PTPRD: variants seen among roughly 807,000 people sequenced by gnomAD.
PTPRD encodes the protein protein tyrosine phosphatase receptor type D.
In PTPRD, 34 loss-of-function variants were observed where a neutral mutation model predicts 214.5. That is an observed-to-expected ratio of 0.16 (90% CI 0.12 to 0.21). PTPRD has a LOEUF of 0.21. Ranked by LOEUF, PTPRD falls within the 10% of genes least tolerant of loss-of-function variation. The probability of loss-of-function intolerance (pLI) is 1.00; values close to 1 mark genes in which losing one functional copy is unlikely to be tolerated. For synonymous variants in PTPRD, 1,128 were observed against 845.7 expected (o/e 1.33, Z -5.79); for missense variants, 2,545 against 2,398.7 (o/e 1.06, Z -1.27).
At chr9:10,329,914 T>C (rs2096718529) in intron 3 of PTPRD, among the ~76,000 whole-genome samples, 1 of 151,876 alleles carries the variant, frequency 6.6e-6, no homozygotes, top group African/African-American at 2.4e-5. Flanking sequence ...CTACTGAAGA[T>C]TCACATTTTC....
At chr9:8,852,351 G>A (rs1241791143) in intron 11 of PTPRD, among the ~76,000 whole-genome samples, 1 of 152,186 alleles carries the variant, frequency 6.6e-6, no homozygotes, top group African/African-American at 2.4e-5. Context: ...ATAGCCATGT[G>A]GCAAAGGTCA....
intron 11 of PTPRD, among the ~76,000 whole-genome samples, chr9:8,859,275 A>C (rs2098042572): frequency 6.6e-6 from 1 of 152,170 alleles, no homozygotes; most frequent in African/African-American, 2.4e-5. Flanking sequence ...TCTTCCCTAG[A>C]CAAGCATCCA....
intron 14 of PTPRD, among the ~76,000 whole-genome samples, chr9:8,540,384 G>T (rs2078097663): frequency 6.6e-6 from 1 of 151,888 alleles, no homozygotes; most frequent in Non-Finnish European, 1.5e-5. Flanking sequence ...TCTGAAAAAA[G>T]TTAACTCTAA....
intron 5 of PTPRD, among the ~76,000 whole-genome samples, chr9:9,832,355 G>C (rs569046135): frequency 6.6e-6 from 1 of 152,066 alleles, no homozygotes; most frequent in African/African-American, 2.4e-5. Context: ...CTGAAGATAT[G>C]TAACTGTGTA....
intron 8 of PTPRD, among the ~76,000 whole-genome samples, chr9:9,461,925 T>C (rs955172601): frequency 1.2e-4 from 18 of 152,268 alleles, no homozygotes; most frequent in African/African-American, 4.3e-4. Context: ...ACCATTATAT[T>C]TAAATTGGGA....
chr9:8,356,095 G>C (rs903673826), intron 39 of PTPRD, among the ~76,000 whole-genome samples: 5 of 152,096 alleles, frequency 3.3e-5, no homozygotes, highest in African/African-American at 1.2e-4. Flanking sequence ...TTTCAAAAAC[G>C]CAAAGTTTGC....
intron 9 of PTPRD, among the ~76,000 whole-genome samples, chr9:9,354,516 A>C (rs1426482185): frequency 1.4e-5 from 2 of 142,896 alleles, no homozygotes; most frequent in Non-Finnish European, 3.0e-5. Context: ...AATTTTAAAA[A>C]CCTACATTTT....
At chr9:10,133,335 A>C (rs1293737821) in intron 3 of PTPRD, among the ~76,000 whole-genome samples, 1 of 152,172 alleles carries the variant, frequency 6.6e-6, no homozygotes, top group Non-Finnish European at 1.5e-5. Context: ...AGTACACCAA[A>C]TATGGACTAG....
At chr9:9,196,401 G>A (rs1290518452) in intron 9 of PTPRD, among the ~76,000 whole-genome samples, 1 of 152,050 alleles carries the variant, frequency 6.6e-6, no homozygotes, top group East Asian at 1.9e-4. Flanking sequence ...GAACAACACA[G>A]TATCTCTGCC....
intron 9 of PTPRD, among the ~76,000 whole-genome samples, chr9:9,342,632 T>C (rs12340739): frequency 5.3e-4 from 81 of 152,160 alleles, no homozygotes; most frequent in African/African-American, 1.5e-3. Flanking sequence ...GTAATCTTGA[T>C]GTAAAATTGC....
intron 2 of PTPRD, among the ~76,000 whole-genome samples, chr9:10,572,312 A>C (rs1274813629): frequency 6.6e-6 from 1 of 152,124 alleles, no homozygotes; most frequent in Non-Finnish European, 1.5e-5. Flanking sequence ...CTACTGTAGG[A>C]CTCACAATTT....
In PTPRD at chr9:9,946,706, G is replaced by A. The variant is rs1349245191; in HGVS notation, c.-471-8096C>T. 3.3e-5 allele frequency among the ~76,000 whole-genome samples: 5 copies of A among 152,170 alleles called. No homozygotes were observed. The East Asian group carries it at 5.8e-4, about 18-fold the overall frequency. On this transcript the variant is annotated intron_variant, in intron 4 of 45. Coordinates refer to ENST00000381196, the MANE Select transcript of PTPRD (RefSeq NM_002839.4). Reference sequence around the variant, plus strand: ...CAGAGGAAAAACTGGGAACTATCTCGCACAATACAGAGACCCTCTAATGTA... The same window carrying A: ...CAGAGGAAAAACTGGGAACTATCTCACACAATACAGAGACCCTCTAATGTA...
chr9:9,965,997 A>C (rs1032359310), intron 4 of PTPRD, among the ~76,000 whole-genome samples: 1 of 152,218 alleles, frequency 6.6e-6, no homozygotes, highest in African/African-American at 2.4e-5. Flanking sequence ...AAGCAAGCAC[A>C]AAAAGTCAGG....
chr9:9,487,737 T>G (rs1415312659), intron 8 of PTPRD, among the ~76,000 whole-genome samples: 2 of 152,160 alleles, frequency 1.3e-5, no homozygotes, highest in East Asian at 3.9e-4. Context: ...TCAACTGCTC[T>G]TGATATAGAC....
intron 35 of PTPRD, 101 bp downstream of exon 35, chr9:8,436,491 T>A: frequency 1.2e-6 from 1 of 849,870 alleles, no homozygotes; most frequent in Non-Finnish European, 1.9e-6. Context: ...GAGTCATATT[T>A]AAAGGGAAAA....
chr9:8,861,483 T>C (rs2098104926), intron 11 of PTPRD: 1 of 152,204 alleles, frequency 6.6e-6, no homozygotes, highest in African/African-American at 2.4e-5. Flanking sequence ...TGGCTAGTGA[T>C]TAAAAGTTTG....
chr9:8,372,401 A>G (rs2081831592), intron 39 of PTPRD, among the ~76,000 whole-genome samples: 1 of 152,042 alleles, frequency 6.6e-6, no homozygotes, highest in African/African-American at 2.4e-5. Flanking sequence ...CTTTATATGT[A>G]TCTATTTTAT....
At chr9:9,013,884 C>T (rs555950571) in intron 11 of PTPRD, among the ~76,000 whole-genome samples, 4 of 152,158 alleles carry the variant, frequency 2.6e-5, no homozygotes, top group Admixed American at 2.0e-4. Context: ...AAAGTATCAA[C>T]GTGCAAGGTG....
At chr9:9,608,745 C>T (rs1212691264) in intron 7 of PTPRD, among the ~76,000 whole-genome samples, 7 of 152,198 alleles carry the variant, frequency 4.6e-5, no homozygotes, top group Non-Finnish European at 8.8e-5. Flanking sequence ...GCTAAAGGCA[C>T]TTAACTTGCT....
Sources: gnomAD v4.1 joint callset for allele counts (sites outside exome capture counted in the v4.1 genomes callset) on GRCh38, gnomAD v4.1.1 for gene constraint, MANE v1.5 for transcripts, NCBI Gene and HGNC (gene_info 2026-07-23, HGNC 2026-07-21) for gene names.